The following GOLM2 variants were observed in gnomAD, a reference collection of about 807,000 sequenced individuals.
GOLM2 encodes golgi membrane protein 2, also known as protein GOLM2.
Under a neutral mutation model 55.9 loss-of-function variants are expected in GOLM2, and 26 were observed. That is an observed-to-expected ratio of 0.47 (90% CI 0.34 to 0.65). GOLM2 has a LOEUF of 0.65. GOLM2 is among the 30% of genes least tolerant of loss of function. GOLM2 has a pLI of 0.01. For synonymous variants in GOLM2, 165 were observed against 194.6 expected, an observed-to-expected ratio of 0.85 and a Z score of 1.27; for missense variants, 486 against 531.8, an observed-to-expected ratio of 0.91 and a Z score of 0.85.
intron 6 of GOLM2, among the ~76,000 whole-genome samples, chr15:44,374,369 C>T (rs2079350216): frequency 6.6e-6 from 1 of 151,984 alleles, no homozygotes; most frequent in African/African-American, 2.4e-5. Context: ...TTACCTGAGG[C>T]CAGGCACGAT....
At chr15:44,341,691 A>ATTTT (rs752182459) in intron 6 of GOLM2, among the ~76,000 whole-genome samples, 9 of 120,862 alleles carry the variant, frequency 7.4e-5, no homozygotes, top group Non-Finnish European at 1.0e-4. Flanking sequence ...ATTTTATTAG[A>ATTTT]TTTTTTTTTT....
intron 1 of GOLM2, among the ~76,000 whole-genome samples, chr15:44,322,096 G>A (rs1255716446): frequency 6.6e-6 from 1 of 152,060 alleles, no homozygotes; most frequent in East Asian, 1.9e-4. Context: ...GGCCAGGCGT[G>A]GTGGCTCATG....
At chr15:44,410,205 G>A (rs1018226968) in intron 9 of GOLM2, among the ~76,000 whole-genome samples, 29 of 152,178 alleles carry the variant, frequency 1.9e-4, no homozygotes, top group Non-Finnish European at 3.7e-4. Context: ...TTGGGAGGCC[G>A]AGGCGGGCGG....
chr15:44,345,102 C>T (rs2079115135), intron 6 of GOLM2, among the ~76,000 whole-genome samples: 1 of 150,788 alleles, frequency 6.6e-6, no homozygotes, highest in African/African-American at 2.4e-5. Flanking sequence ...TGAGCCACCG[C>T]GCCTGGCCTA....
intron 6 of GOLM2, among the ~76,000 whole-genome samples, chr15:44,359,628 G>T (rs762204803): frequency 2.0e-5 from 3 of 152,134 alleles, no homozygotes; most frequent in Non-Finnish European, 2.9e-5. Context: ...AAAACACTCT[G>T]CAGGATATTA....
At chr15:44,327,064 C>A (rs907979756) in intron 2 of GOLM2, among the ~76,000 whole-genome samples, 3 of 151,450 alleles carry the variant, frequency 2.0e-5, no homozygotes, top group Non-Finnish European at 4.4e-5. Flanking sequence ...GATTCTCTTG[C>A]CTCAGCCTCC....
chr15:44,300,380 A>T (rs1156752281), intron 1 of GOLM2, among the ~76,000 whole-genome samples: 1 of 152,182 alleles, frequency 6.6e-6, no homozygotes, highest in Non-Finnish European at 1.5e-5. Context: ...CACTAAAATG[A>T]TCTTTGAAAC....
chr15:44,348,621 C>T (rs1316337041), intron 6 of GOLM2: 4 of 152,240 alleles, frequency 2.6e-5, no homozygotes, highest in Admixed American at 1.3e-4. Context: ...GCCCAGCTGG[C>T]TTCATCATCT....
chr15:44,322,981 A>G lies in GOLM2; in HGVS notation c.344A>G (p.Asn115Ser). The stretch of plus-strand genomic sequence containing the variant: ...TTTTTTCAGGTTAAACTACAGAACA[A>G]CATATCGTATCAGATGGCAGACATA... ...CEDDKVKLQN[N>S]ISYQMADIHH... Residue 115 changes from asparagine to serine, a missense_variant, in exon 2 of 10, where the codon AAC becomes AGC. Asn to Ser is a conservative substitution (Grantham distance 46). Coordinates refer to ENST00000299957, the MANE Select transcript of GOLM2 (RefSeq NM_138423.4). The G allele has an allele frequency of 6.3e-7, 1 of 1,579,936 alleles. No homozygotes were observed. Among genetic ancestry groups the G allele is most frequent in the Admixed American group, 1.9e-5 (1 of 53,166 alleles).
At chr15:44,325,664 T>C (rs2141133569) in intron 2 of GOLM2, among the ~76,000 whole-genome samples, 1 of 152,350 alleles carries the variant, frequency 6.6e-6, no homozygotes, top group South Asian at 2.1e-4. Context: ...AAATTTAGCT[T>C]TCAGTTCTAG....
At chr15:44,300,263 G>C (rs74878863) in intron 1 of GOLM2, among the ~76,000 whole-genome samples, 5,103 of 151,400 alleles carry the variant, frequency 0.034, 90 homozygotes, top group South Asian at 0.073. Flanking sequence ...AGAAGGGAGG[G>C]AGGAAGGAAG....
intron 8 of GOLM2, among the ~76,000 whole-genome samples, chr15:44,390,727 G>A (rs970233180): frequency 9.9e-5 from 15 of 152,048 alleles, no homozygotes; most frequent in South Asian, 2.1e-4. Context: ...GCACCACCAC[G>A]CCCGGCTAAT....
At chr15:44,348,039 TGAA>T in intron 6 of GOLM2, among the ~76,000 whole-genome samples, 1 of 152,226 alleles carries the variant, frequency 6.6e-6, no homozygotes, top group East Asian at 1.9e-4. Context: ...CCTTGGGCCC[TGAA>T]TAATCAGCAC....
At chr15:44,326,761 C>T (rs2141134820) in intron 2 of GOLM2, among the ~76,000 whole-genome samples, 1 of 150,938 alleles carries the variant, frequency 6.6e-6, no homozygotes, top group South Asian at 2.1e-4. Context: ...AAGTGAGTCT[C>T]CTGCCTCAGC....
At position 44,294,698 on chromosome 15, in the gene GOLM2, C is replaced by T. The variant is rs573444149; in HGVS notation, c.327+5342C>T. ...CATTGCACTCCAGCCTGGAGGACAG[C>T]GAGACTCCATCTCAAAAAAAAAAAA... On this transcript the variant is annotated intron_variant, in intron 1 of 9. Coordinates refer to ENST00000299957, the MANE Select transcript of GOLM2 (RefSeq NM_138423.4). Among the ~76,000 whole-genome samples, 552 of 134,936 alleles carry T rather than the reference C, an allele frequency of 4.1e-3. 5 individuals are homozygous for T. Among genetic ancestry groups the T allele is most frequent in the African/African-American group, 0.014 (502 of 35,362 alleles). The allele number at this position is 134,936 out of a possible 152,430, so 88.5% of individuals were successfully genotyped here.
chr15:44,308,548 T>C (rs1217717207), intron 1 of GOLM2: 1 of 152,126 alleles, frequency 6.6e-6, no homozygotes, highest in Non-Finnish European at 1.5e-5. Flanking sequence ...TCTGTTTGAG[T>C]CCCTGGTTTC....
intron 1 of GOLM2, among the ~76,000 whole-genome samples, chr15:44,301,063 T>G (rs1188331008): frequency 6.6e-6 from 1 of 152,214 alleles, no homozygotes; most frequent in Non-Finnish European, 1.5e-5. Context: ...TTTGCTTTCC[T>G]TTTACAATTT....
At position 44,289,079 on chromosome 15, in the gene GOLM2, T is replaced by G; in HGVS notation, c.50T>G (p.Val17Gly). The G allele has an allele frequency of 2.5e-6, 4 of 1,614,034 alleles. No individual in the cohort carries two copies. The highest frequency in any genetic ancestry group is 3.4e-6 in the Non-Finnish European group (4 of 1,179,968). Residue 17 changes from valine (V) to glycine (G), a missense_variant, in exon 1 of 10, where the codon GTG becomes GGG. Transcript: ENST00000299957. The surrounding 1 kb of genome is among the most constrained non-coding windows in gnomAD (Gnocchi z 4.8). ...NRRAGRLPSL[V>G]LVVLLVVIVV... The stretch of plus-strand genomic sequence containing the variant: ...CGGGCTGGCCGCCTGCCCTCTCTCG[T>G]GCTGGTGGTGCTGCTGGTGGTGATC...
chr15:44,381,420 C>A (rs1026897666), intron 8 of GOLM2, among the ~76,000 whole-genome samples: 31 of 152,270 alleles, frequency 2.0e-4, no homozygotes, highest in Admixed American at 1.4e-3. Flanking sequence ...CTTCCTCCTC[C>A]ATTCCCTGCA....
Sources: gnomAD v4.1 joint callset for allele counts (sites outside exome capture counted in the v4.1 genomes callset) on GRCh38, gnomAD v4.1.1 for gene constraint, Gnocchi (gnomAD v3.1) non-coding constraint, MANE v1.5 for transcripts, NCBI Gene and HGNC (gene_info 2026-07-23, HGNC 2026-07-21) for gene names.